N4BP1: variants seen among roughly 807,000 people sequenced by gnomAD.
N4BP1 encodes the protein NEDD4-binding protein 1.
In N4BP1, 21 loss-of-function variants were observed where a neutral mutation model predicts 70.9. That is an observed-to-expected ratio of 0.30 (90% CI 0.21 to 0.43). The LOEUF is 0.43. Among genes scored for constraint, N4BP1 ranks in the 20% least tolerant of loss-of-function variants. The probability of loss-of-function intolerance (pLI) is 1.00; values close to 1 mark genes in which losing one functional copy is unlikely to be tolerated. For synonymous variants in N4BP1, 387 were observed against 394.6 expected (o/e 0.98, Z 0.23); for missense variants, 936 against 1,069.4 (o/e 0.88, Z 1.74).
intron 1 of N4BP1, among the ~76,000 whole-genome samples, chr16:48,570,606 C>T (rs1201197005): frequency 6.6e-6 from 1 of 152,202 alleles, no homozygotes; most frequent in Admixed American, 6.5e-5. Flanking sequence ...TTCGGCCTCC[C>T]AAAGCGCTGG....
intron 1 of N4BP1, among the ~76,000 whole-genome samples, chr16:48,571,591 A>G (rs929778836): frequency 2.6e-5 from 4 of 152,190 alleles, no homozygotes; most frequent in African/African-American, 9.6e-5. Flanking sequence ...ATAAGATGAG[A>G]CTGAACCCAC....
At chr16:48,570,324 A>G (rs1963997973) in intron 1 of N4BP1, among the ~76,000 whole-genome samples, 1 of 151,870 alleles carries the variant, frequency 6.6e-6, no homozygotes. Flanking sequence ...CAAATGGTAA[A>G]CTCACTGCTG....
chr16:48,609,729 G>A (rs374660707), intron 1 of N4BP1, 46 bp downstream of exon 1: 57 of 1,296,472 alleles, frequency 4.4e-5, no homozygotes, highest in Non-Finnish European at 5.2e-5. Context: ...CCGGAGACCC[G>A]GACCGATCGA....
chr16:48,592,570 C>T (rs949995973), intron 1 of N4BP1, among the ~76,000 whole-genome samples: 1 of 152,154 alleles, frequency 6.6e-6, no homozygotes, highest in African/African-American at 2.4e-5. Context: ...TAAAAGAGCT[C>T]TAATTAACTA....
intron 1 of N4BP1, among the ~76,000 whole-genome samples, chr16:48,584,821 A>G (rs1163802155): frequency 1.3e-5 from 2 of 152,158 alleles, no homozygotes; most frequent in Non-Finnish European, 2.9e-5. Context: ...TAAGAATCCA[A>G]ATTTGTGTAA....
Position 48,561,886 on chromosome 16 carries a change from T to A in N4BP1, c.757A>T (p.Thr253Ser), listed in dbSNP as rs1382130699. 1.2e-6 allele frequency: 2 copies of A among 1,613,946 alleles called. No individual in the cohort carries two copies. Among genetic ancestry groups the A allele is most frequent in the South Asian group, 2.2e-5 (2 of 91,082 alleles). ...ACATCTGGTGAGCTAGAAAGGACTG[T>A]GTCCATTTGTTTTGTAAGCTCAGAA... ...PVSELTKQMDTVLSSSPDVLF... is the reference protein window; with the variant it reads ...PVSELTKQMDSVLSSSPDVLF... The change falls in exon 2 of 7, where the codon ACA (threonine) becomes TCA (serine). Residue 253 changes from threonine to serine, a missense_variant. This residue lies in a region of N4BP1 where 515 missense variants were observed against 491.7 expected (regional missense o/e 1.05). Coordinates refer to ENST00000262384, the MANE Select transcript of N4BP1 (RefSeq NM_153029.4).
rs750355255 is a variant in N4BP1 at position 48,594,001 on chromosome 16, C to CAAAAAAAAAAAAAA, written c.198+15760_198+15773dup. On this transcript the variant is annotated intron_variant, in intron 1 of 6. Coordinates refer to ENST00000262384, the MANE Select transcript of N4BP1 (RefSeq NM_153029.4). ...TGGGTGCCAGAGCAAGACTCCGTCT[C>CAAAAAAAAAAAAAA]AAAAAAAAAAAAAAAAACAAAAAAA... is the stretch of plus-strand genomic sequence containing the variant. Among the ~76,000 whole-genome samples, 53 of 42,522 alleles carry CAAAAAAAAAAAAAA rather than the reference C, an allele frequency of 1.2e-3. 4 individuals carry two copies. Among genetic ancestry groups the CAAAAAAAAAAAAAA allele is most frequent in the African/African-American group, 4.1e-3 (47 of 11,338 alleles). 27.9% of individuals were successfully genotyped at this position (42,522 alleles called of 152,430 possible).
chr16:48,551,092 C>G (rs1335246418), intron 4 of N4BP1, among the ~76,000 whole-genome samples: 1 of 152,166 alleles, frequency 6.6e-6, no homozygotes, highest in African/African-American at 2.4e-5. Flanking sequence ...CATTTTCAAG[C>G]CTGCCACACT....
At chr16:48,601,419 T>G (rs773738427) in intron 1 of N4BP1, among the ~76,000 whole-genome samples, 19 of 152,094 alleles carry the variant, frequency 1.2e-4, no homozygotes, top group Non-Finnish European at 5.9e-5. Flanking sequence ...TTTTGGAAAG[T>G]AGAATTTATG....
intron 1 of N4BP1, among the ~76,000 whole-genome samples, chr16:48,573,828 A>C (rs1315823901): frequency 1.3e-5 from 2 of 152,220 alleles, no homozygotes; most frequent in African/African-American, 4.8e-5. Context: ...TTCATAATAA[A>C]GTAAGCTAGA....
In N4BP1 at chr16:48,610,086, G is replaced by A; in HGVS notation, c.-114C>T. On this transcript the variant is annotated 5_prime_UTR_variant, in exon 1 of 7. Transcript: ENST00000262384. ...GGCGTCGGCCCTTCCCGGCCGCCTCGCCCCCGCCCGCGCCCCGCCGCCCGC... is the reference window on the plus strand; with the variant it reads ...GGCGTCGGCCCTTCCCGGCCGCCTCACCCCCGCCCGCGCCCCGCCGCCCGC... 1 of 467,756 alleles carries A rather than the reference G, an allele frequency of 2.1e-6. No individual in the cohort carries two copies. Among genetic ancestry groups the A allele is most frequent in the Non-Finnish European group, 2.8e-6 (1 of 354,742 alleles). The allele number at this position is 467,756 out of a possible 1,614,324, so 29.0% of individuals were successfully genotyped here. A position where few individuals can be genotyped will look rare whatever the true frequency, so the allele number is the denominator to read the frequency against.
chr16:48,607,763 G>T lies in N4BP1; in HGVS notation c.198+2012C>A, dbSNP rs1256248992. Among the ~76,000 whole-genome samples, 3 of 152,344 alleles carry T rather than the reference G, an allele frequency of 2.0e-5. No individual in the cohort carries two copies. The East Asian group carries it at 5.8e-4, about 29-fold the overall frequency. On this transcript the variant is annotated intron_variant, in intron 1 of 6. Coordinates refer to ENST00000262384, the MANE Select transcript of N4BP1 (RefSeq NM_153029.4). ...ATAGCTGGGGAGAATGGACGAAGGG[G>T]AATGCGCCTTAGACCAGCTGTCTGC...
At chr16:48,575,709 G>A (rs756358596) in intron 1 of N4BP1, among the ~76,000 whole-genome samples, 1 of 152,218 alleles carries the variant, frequency 6.6e-6, no homozygotes, top group African/African-American at 2.4e-5. Context: ...TGACTCTTAA[G>A]TGTAGAAGGG....
chr16:48,546,040 AAT>A, intron 6 of N4BP1, 105 bp downstream of exon 6: 1 of 693,116 alleles, frequency 1.4e-6, no homozygotes. Context: ...AAAAAAAAAA[AAT>A]AATTTTTTTA....
intron 1 of N4BP1, among the ~76,000 whole-genome samples, chr16:48,602,795 A>AT (rs1964521825): frequency 9.8e-6 from 1 of 101,668 alleles, no homozygotes; most frequent in African/African-American, 5.2e-5. Context: ...TATAAAAAAT[A>AT]AAAATAAATA....
At chr16:48,595,456 CA>C (rs373163833) in intron 1 of N4BP1, among the ~76,000 whole-genome samples, 308 of 57,450 alleles carry the variant, frequency 5.4e-3, no homozygotes, top group Middle Eastern at 0.013. Context: ...GACTCTGTCT[CA>C]AAAAAAAAAA....
intron 1 of N4BP1, chr16:48,577,928 G>T: frequency 6.4e-6 from 1 of 156,088 alleles, no homozygotes; most frequent in Non-Finnish European, 1.4e-5. Context: ...ACAATGAAAA[G>T]CTTGGCCAGA....
chr16:48,598,201 TG>T (rs1364585506), intron 1 of N4BP1, among the ~76,000 whole-genome samples: 1 of 152,228 alleles, frequency 6.6e-6, no homozygotes, highest in Non-Finnish European at 1.5e-5. Flanking sequence ...CTTAGGAAAT[TG>T]GTAAGTGCTG....
chr16:48,606,609 CAG>C (rs1261563890), intron 1 of N4BP1, among the ~76,000 whole-genome samples: 2 of 152,228 alleles, frequency 1.3e-5, no homozygotes, highest in African/African-American at 4.8e-5. Context: ...GTCACTGGTA[CAG>C]AGTCAGTGCC....
Sources: gnomAD v4.1 joint callset for allele counts (sites outside exome capture counted in the v4.1 genomes callset) on GRCh38, gnomAD v4.1.1 for gene constraint, gnomAD v4.1.1 regional missense constraint, MANE v1.5 for transcripts, NCBI Gene and HGNC (gene_info 2026-07-23, HGNC 2026-07-21) for gene names.